The following PBX3 variants were observed in gnomAD, a reference collection of about 807,000 sequenced individuals.
The protein encoded by PBX3 is pre-B-cell leukemia transcription factor 3.
Under a neutral mutation model 48.5 loss-of-function variants are expected in PBX3, and 14 were observed. The observed-to-expected ratio is 0.29, with a 90% confidence interval of 0.19 to 0.45. The LOEUF (loss-of-function observed/expected upper bound fraction) is 0.45, where lower values mean the gene tolerates loss of function less well. Ranked by LOEUF, PBX3 falls within the 20% of genes least tolerant of loss-of-function variation. The pLI is 1.00. For missense variants in PBX3, 386 were observed against 546.7 expected (o/e 0.71, Z 2.93); for synonymous variants, 210 against 200.3 (o/e 1.05, Z -0.41).
rs544187996 is a variant in PBX3 at position 125,791,133 on chromosome 9, C to G, written c.274+42510C>G. On this transcript the variant is annotated intron_variant, in intron 2 of 8. Coordinates refer to ENST00000373489, the MANE Select transcript of PBX3 (RefSeq NM_006195.6). ...GATTTGCCATTTTGGCCAGGCTAGT[C>G]TTGAACTCCTGACTTCAGGTGATCC... Among the ~76,000 whole-genome samples, 24 of 152,266 alleles carry G rather than the reference C, an allele frequency of 1.6e-4. No homozygotes were observed. In the South Asian group the frequency reaches 4.8e-3, roughly 30 times the overall value.
At chr9:125,803,504 G>A (rs1838030531) in intron 2 of PBX3, among the ~76,000 whole-genome samples, 1 of 152,038 alleles carries the variant, frequency 6.6e-6, no homozygotes, top group Non-Finnish European at 1.5e-5. Flanking sequence ...CCTTTAACTT[G>A]GAACAATTCC....
At chr9:125,926,652 A>G (rs538267776) in intron 3 of PBX3, among the ~76,000 whole-genome samples, 1 of 151,700 alleles carries the variant, frequency 6.6e-6, no homozygotes, top group East Asian at 1.9e-4. Context: ...CCCCATCTCT[A>G]CTAAAAATAC....
chr9:125,859,186 A>G (rs1204866196), intron 2 of PBX3, among the ~76,000 whole-genome samples: 2 of 152,212 alleles, frequency 1.3e-5, no homozygotes, highest in African/African-American at 2.4e-5. Flanking sequence ...TTCATCTTTC[A>G]GGTCTCAGCT....
intron 2 of PBX3, among the ~76,000 whole-genome samples, chr9:125,850,885 A>C (rs1044661728): frequency 1.3e-5 from 2 of 152,232 alleles, no homozygotes; most frequent in Middle Eastern, 3.4e-3. Context: ...CCGACAGCCA[A>C]ATGTCACAAA....
intron 2 of PBX3, among the ~76,000 whole-genome samples, chr9:125,836,302 G>T (rs1161488332): frequency 6.6e-6 from 1 of 152,114 alleles, no homozygotes; most frequent in Non-Finnish European, 1.5e-5. Flanking sequence ...AAAATTAGCC[G>T]GGCGTGGTAG....
intron 2 of PBX3, among the ~76,000 whole-genome samples, chr9:125,856,762 A>T (rs1200982841): frequency 2.0e-5 from 3 of 152,234 alleles, no homozygotes; most frequent in African/African-American, 4.8e-5. Context: ...TTATTATTTC[A>T]TATGACTGTC....
chr9:125,790,060 C>T (rs1473943769), intron 2 of PBX3, among the ~76,000 whole-genome samples: 1 of 152,108 alleles, frequency 6.6e-6, no homozygotes, highest in Non-Finnish European at 1.5e-5. Context: ...TATCTGAAGA[C>T]ATCTGCAAAG....
At chr9:125,922,577 A>G (rs1841479543) in intron 3 of PBX3, among the ~76,000 whole-genome samples, 1 of 152,200 alleles carries the variant, frequency 6.6e-6, no homozygotes, top group South Asian at 2.1e-4. Context: ...AATTTCTCCA[A>G]ATGTCTATTT....
intron 5 of PBX3, 89 bp downstream of exon 5, chr9:125,935,696 C>T: frequency 4.2e-6 from 5 of 1,192,538 alleles, no homozygotes; most frequent in Non-Finnish European, 5.9e-6. Flanking sequence ...ATTTCATATC[C>T]AAATGTTCTA....
intron 2 of PBX3, among the ~76,000 whole-genome samples, chr9:125,814,642 T>C (rs1838405154): frequency 6.6e-6 from 1 of 152,188 alleles, no homozygotes; most frequent in Admixed American, 6.5e-5. Flanking sequence ...TGAATAACAT[T>C]CATGATTATT....
chr9:125,966,132 CTT>C lies in PBX3; in HGVS notation c.*211_*212del. ...ACACAATGTTAAAAAAAATAAAGCA[CTT>C]TATCCAATTAGGCCAAGATTTAACA... On this transcript the variant is annotated 3_prime_UTR_variant, in exon 9 of 9. Transcript: ENST00000373489. 1 of 431,394 alleles carries C rather than the reference CTT, an allele frequency of 2.3e-6. No individual in the cohort carries two copies. The highest frequency in any genetic ancestry group is 4.1e-6 in the Non-Finnish European group (1 of 241,834). 26.7% of individuals were successfully genotyped at this position (431,394 alleles called of 1,614,324 possible).
chr9:125,799,404 G>A (rs1179821920), intron 2 of PBX3, among the ~76,000 whole-genome samples: 1 of 152,004 alleles, frequency 6.6e-6, no homozygotes, highest in Non-Finnish European at 1.5e-5. Context: ...TACTCCGGAG[G>A]CTGAGGTGGG....
chr9:125,766,525 T>C (rs981901602), intron 2 of PBX3, among the ~76,000 whole-genome samples: 1 of 152,136 alleles, frequency 6.6e-6, no homozygotes, highest in Admixed American at 6.5e-5. Flanking sequence ...ATTTGTGTGT[T>C]TCCAAATTGT....
At chr9:125,850,372 C>CATG (rs1192363004) in intron 2 of PBX3, among the ~76,000 whole-genome samples, 1 of 152,014 alleles carries the variant, frequency 6.6e-6, no homozygotes, top group African/African-American at 2.4e-5. Flanking sequence ...GAAGCCAGTC[C>CATG]ATGGCATTTA....
intron 2 of PBX3, among the ~76,000 whole-genome samples, chr9:125,826,202 T>G (rs951836252): frequency 1.3e-5 from 2 of 152,194 alleles, no homozygotes; most frequent in Admixed American, 6.5e-5. Flanking sequence ...GATTTTTACC[T>G]GTTTTAACAT....
At chr9:125,901,432 G>T (rs1377188800) in intron 2 of PBX3, among the ~76,000 whole-genome samples, 3 of 151,612 alleles carry the variant, frequency 2.0e-5, no homozygotes, top group South Asian at 2.1e-4. Context: ...CTTCAAAATT[G>T]TATTTCTGAA....
chr9:125,946,119 A>G (rs150060580), intron 5 of PBX3, among the ~76,000 whole-genome samples: 4 of 152,310 alleles, frequency 2.6e-5, no homozygotes, highest in East Asian at 3.9e-4. Context: ...GCTTAGGGCT[A>G]CATCTTAGCA....
chr9:125,862,874 G>A (rs1216670745), intron 2 of PBX3, among the ~76,000 whole-genome samples: 1 of 151,992 alleles, frequency 6.6e-6, no homozygotes, highest in Non-Finnish European at 1.5e-5. Context: ...TTTCATGTGT[G>A]TACAAGAGTG....
chr9:125,953,337 C>T (rs941812538), intron 5 of PBX3, among the ~76,000 whole-genome samples: 5 of 151,936 alleles, frequency 3.3e-5, no homozygotes, highest in South Asian at 2.1e-4. Flanking sequence ...ATTAGCCGGC[C>T]GTAGTGATGG....
Sources: allele counts gnomAD v4.1 joint callset (sites outside exome capture counted in the v4.1 genomes callset), GRCh38; gene constraint gnomAD v4.1.1; transcripts MANE v1.5; gene names NCBI Gene and HGNC (gene_info 2026-07-23, HGNC 2026-07-21).